FRYL: variants seen among roughly 807,000 people sequenced by gnomAD.
FRYL encodes FRY like transcription coactivator.
Under a neutral mutation model 351.2 loss-of-function variants are expected in FRYL, and 150 were observed. The ratio of observed to expected loss-of-function variants is 0.43; its 90% CI spans 0.37 to 0.49. FRYL has a LOEUF of 0.49. Among genes scored for constraint, FRYL ranks in the 20% least tolerant of loss-of-function variants. The probability of loss-of-function intolerance (pLI) is 0.00; values close to 1 mark genes in which losing one functional copy is unlikely to be tolerated. For synonymous variants in FRYL, 1,153 were observed against 1,257.1 expected (o/e 0.92, Z 1.75); for missense variants, 3,036 against 3,619.3 (o/e 0.84, Z 4.13).
intron 9 of FRYL, among the ~76,000 whole-genome samples, chr4:48,607,393 ATC>A (rs1481426734): frequency 1.3e-5 from 2 of 152,164 alleles, no homozygotes; most frequent in African/African-American, 2.4e-5. Flanking sequence ...GAAATATAAC[ATC>A]TTTTTTTATT....
rs1325021727 is a variant in FRYL, at chr4:48,549,467, G to C, written c.4784+6C>G. On this transcript the variant is annotated splice_donor_region_variant and intron_variant, in intron 39 of 63. Coordinates refer to ENST00000358350, the MANE Select transcript of FRYL (RefSeq NM_015030.2). This position sits in a 1 kb window ranked among gnomAD's most constrained non-coding sequence, Gnocchi z 4.2. ...CATATGTAAAAGGAATGACGCTGTA[G>C]TCCACCTGTGAAGAGGTAATCCAGG... is the stretch of plus-strand genomic sequence containing the variant. 6.2e-7 allele frequency: 1 copy of C among 1,606,176 alleles called. No homozygotes were observed. The highest frequency in any genetic ancestry group is 1.3e-5 in the African/African-American group (1 of 74,878).
At chr4:48,572,352 T>C (rs965984672) in intron 26 of FRYL, among the ~76,000 whole-genome samples, 1 of 152,224 alleles carries the variant, frequency 6.6e-6, no homozygotes, top group African/African-American at 2.4e-5. Flanking sequence ...CTAAAGCTAG[T>C]AGTTTTTCAT....
chr4:48,729,828 T>C (rs1322509324), intron 1 of FRYL, among the ~76,000 whole-genome samples: 1 of 152,066 alleles, frequency 6.6e-6, no homozygotes, highest in Non-Finnish European at 1.5e-5. Context: ...CCAGAACGCC[T>C]CTTCTCATCC....
intron 23 of FRYL, among the ~76,000 whole-genome samples, chr4:48,577,270 A>C (rs536793945): frequency 1.3e-5 from 2 of 152,252 alleles, no homozygotes; most frequent in Non-Finnish European, 2.9e-5. Context: ...CAATTCCATA[A>C]ATCTTTCCAA....
At chr4:48,686,533 T>C (rs1226449644) in intron 2 of FRYL, among the ~76,000 whole-genome samples, 3 of 152,144 alleles carry the variant, frequency 2.0e-5, no homozygotes, top group Non-Finnish European at 4.4e-5. Flanking sequence ...ATGTGACAAA[T>C]AGCATGCCAT....
chr4:48,540,337 A>T lies in FRYL; in HGVS notation c.6295+16T>A. The T allele has an allele frequency of 6.2e-7, 1 of 1,604,176 alleles. No homozygotes were observed. The highest frequency in any genetic ancestry group is 1.3e-5 in the African/African-American group (1 of 74,644). ...GCATAAAATGCAAAGTGCTGGTGCA[A>T]TTATATTAACATCACCTGACAATTG... On this transcript the variant is annotated intron_variant, in intron 46 of 63. Transcript: ENST00000358350.
At chr4:48,713,951 C>A (rs935235571) in intron 1 of FRYL, among the ~76,000 whole-genome samples, 1 of 151,992 alleles carries the variant, frequency 6.6e-6, no homozygotes, top group Admixed American at 6.6e-5. Flanking sequence ...CAAACTAGAA[C>A]TCAGGATTAA....
In FRYL at chr4:48,691,523, C is replaced by T. The variant is rs111657193; in HGVS notation, c.-203-6728G>A. ...TCAAATTGTCTCAGTATTCAATCTC[C>T]GTTTCCTCATCTATACAATAAGGAT... is the stretch of plus-strand genomic sequence containing the variant. On this transcript the variant is annotated intron_variant, in intron 2 of 63. Transcript: ENST00000358350. 6.1e-3 allele frequency among the ~76,000 whole-genome samples: 931 copies of T among 152,254 alleles called. 6 individuals are homozygous for T. Among genetic ancestry groups the T allele is most frequent in the Non-Finnish European group, 8.7e-3 (593 of 68,002 alleles).
At chr4:48,714,755 C>T (rs1458708556) in intron 1 of FRYL, among the ~76,000 whole-genome samples, 1 of 150,984 alleles carries the variant, frequency 6.6e-6, no homozygotes, top group Admixed American at 6.6e-5. Context: ...AGAGGGAATC[C>T]TCCCTAACTC....
At chr4:48,758,172 T>C (rs891232984) in intron 1 of FRYL, among the ~76,000 whole-genome samples, 2 of 152,188 alleles carry the variant, frequency 1.3e-5, no homozygotes, top group South Asian at 2.1e-4. Flanking sequence ...GACATGGGCA[T>C]GGGCAAGGAC....
chr4:48,610,268 A>G (rs1747770633), intron 7 of FRYL, among the ~76,000 whole-genome samples: 1 of 152,186 alleles, frequency 6.6e-6, no homozygotes, highest in Non-Finnish European at 1.5e-5. Flanking sequence ...AACTATTTAT[A>G]GACTTATTAT....
intron 1 of FRYL, among the ~76,000 whole-genome samples, chr4:48,720,815 G>C (rs968265279): frequency 6.6e-6 from 1 of 152,136 alleles, no homozygotes; most frequent in African/African-American, 2.4e-5. Flanking sequence ...GTTATTTACT[G>C]TTTCCGTAAG....
At chr4:48,620,525 T>C (rs2149321378) in intron 6 of FRYL, 114 bp downstream of exon 6, 1 of 1,036,174 alleles carries the variant, frequency 9.7e-7, no homozygotes, top group East Asian at 2.4e-5. Flanking sequence ...GTAACAAAAG[T>C]AATCAACGCA....
chr4:48,721,268 G>A (rs1303543574), intron 1 of FRYL, among the ~76,000 whole-genome samples: 1 of 152,056 alleles, frequency 6.6e-6, no homozygotes, highest in Non-Finnish European at 1.5e-5. Flanking sequence ...GAATCAGAGA[G>A]GTAGAGAGTG....
intron 1 of FRYL, among the ~76,000 whole-genome samples, chr4:48,776,043 TA>T (rs535514949): frequency 1.2e-3 from 155 of 127,330 alleles, no homozygotes; most frequent in Middle Eastern, 4.4e-3. Flanking sequence ...ATACAGAGGT[TA>T]AAAAAAAAAA....
rs73814790 is a variant in FRYL, at chr4:48,535,265, C to T, written c.6564+392G>A. On this transcript the variant is annotated intron_variant, in intron 48 of 63. Transcript: ENST00000358350. The stretch of plus-strand genomic sequence containing the variant: ...AATTTTGTAGAAATAAAAATTATAA[C>T]CATTCTCTAGGATCAGGACCACTAA... Among the ~76,000 whole-genome samples the T allele has an allele frequency of 3.1e-3, 465 of 151,950 alleles. 1 individual carries two copies. The highest frequency in any genetic ancestry group is 0.011 in the African/African-American group (444 of 41,454).
At chr4:48,645,831 T>G (rs559918418) in intron 3 of FRYL, 1 of 152,202 alleles carries the variant, frequency 6.6e-6, no homozygotes, top group Admixed American at 6.5e-5. Context: ...AAACCTGTAA[T>G]TATAATACCA....
chr4:48,688,422 A>C (rs773782213), intron 2 of FRYL, among the ~76,000 whole-genome samples: 1 of 152,244 alleles, frequency 6.6e-6, no homozygotes, highest in Non-Finnish European at 1.5e-5. Context: ...CTCACAAATA[A>C]TCAAGCGCAG....
At chr4:48,546,544 G>A (rs1211230714) in intron 41 of FRYL, 2 of 362,346 alleles carry the variant, frequency 5.5e-6, no homozygotes, top group African/African-American at 4.1e-5. Context: ...CTTGCAAGTG[G>A]CAGTTTCCTA....
Sources: allele counts gnomAD v4.1 joint callset (sites outside exome capture counted in the v4.1 genomes callset), GRCh38; gene constraint gnomAD v4.1.1; non-coding constraint Gnocchi (gnomAD v3.1); transcripts MANE v1.5; gene names NCBI Gene and HGNC (gene_info 2026-07-23, HGNC 2026-07-21).